Variants in ZNF735 observed in about 807,000 individuals in gnomAD.
ZNF735 encodes putative zinc finger protein 735.
Under a neutral mutation model 13.4 loss-of-function variants are expected in ZNF735, and 11 were observed. The observed-to-expected ratio is 0.82, with a 90% CI of 0.52 to 1.36. The LOEUF (loss-of-function observed/expected upper bound fraction) is 1.36. Ranked by LOEUF, ZNF735 falls within the 40% of genes most tolerant of loss-of-function variation. ZNF735 has a pLI of 0.00. For missense variants in ZNF735, 500 were observed against 484.6 expected, an observed-to-expected ratio of 1.03 and a Z score of -0.30; for synonymous variants, 171 against 162.6, an observed-to-expected ratio of 1.05 and a Z score of -0.39.
At position 64,213,938 on chromosome 7, in the gene ZNF735, G is replaced by A. The variant is rs10225520; in HGVS notation, c.167-75G>A. 5.2e-3 allele frequency: 7,047 copies of A among 1,343,912 alleles called. 279 individuals carry two copies. The African/African-American group carries it at 0.088, about 17-fold the overall frequency. The allele number at this position is 1,343,912 out of a possible 1,614,324, so 83.2% of individuals were successfully genotyped here. A position where few individuals can be genotyped will look rare whatever the true frequency, so the allele number is the denominator to read the frequency against. On this transcript the variant is annotated intron_variant, in intron 2 of 3. Coordinates refer to ENST00000429565, the Ensembl canonical transcript of ZNF735. ...CATGCCACTGCACTCCAGCCTGAGC[G>A]ACAGAGTGAGACTCCATCTCAAAAA... is the stretch of plus-strand genomic sequence containing the variant.
chr7:64,219,012 G>A (rs1036784326), intron 3 of ZNF735, among the ~76,000 whole-genome samples: 2 of 151,986 alleles, frequency 1.3e-5, no homozygotes, highest in Non-Finnish European at 2.9e-5. Context: ...AAGGCACCAT[G>A]TTCTTCTACT....
intron 3 of ZNF735, among the ~76,000 whole-genome samples, chr7:64,216,414 G>A (rs996361673): frequency 2.0e-5 from 3 of 152,074 alleles, no homozygotes; most frequent in African/African-American, 7.2e-5. Context: ...AAATTAAGTT[G>A]TCACTTAAAT....
intron 3 of ZNF735, among the ~76,000 whole-genome samples, chr7:64,218,810 G>A (rs1165413380): frequency 6.6e-6 from 1 of 152,032 alleles, no homozygotes; most frequent in African/African-American, 2.4e-5. Context: ...AGAGATTCTG[G>A]GAGTCTTGCA....
At chr7:64,217,215 T>A (rs62461221) in intron 3 of ZNF735, among the ~76,000 whole-genome samples, 2,190 of 152,304 alleles carry the variant, frequency 0.014, 21 homozygotes, top group Non-Finnish European at 0.023. Flanking sequence ...ACCTGGCTCC[T>A]CCACCTCACA....
At chr7:64,212,668 C>T (rs996859885) in intron 1 of ZNF735, among the ~76,000 whole-genome samples, 4 of 151,980 alleles carry the variant, frequency 2.6e-5, no homozygotes, top group African/African-American at 9.7e-5. Flanking sequence ...TGGCCCATGC[C>T]TGTATTCCCA....
At chr7:64,210,336 G>A (rs926514069) in intron 1 of ZNF735, among the ~76,000 whole-genome samples, 2 of 152,186 alleles carry the variant, frequency 1.3e-5, no homozygotes, top group African/African-American at 4.8e-5. Flanking sequence ...ATTTGTACCA[G>A]ATGTATTTGT....
intron 1 of ZNF735, among the ~76,000 whole-genome samples, chr7:64,211,783 T>C (rs1787362599): frequency 6.6e-6 from 1 of 151,580 alleles, no homozygotes; most frequent in Admixed American, 6.6e-5. Context: ...GGAGAATTGC[T>C]TGACCTCAGG....
chr7:64,212,133 G>C (rs1222732561), intron 1 of ZNF735, among the ~76,000 whole-genome samples: 1 of 152,086 alleles, frequency 6.6e-6, no homozygotes, highest in Admixed American at 6.6e-5. Flanking sequence ...ACTAGCCGAA[G>C]TGCATAAACG....
chr7:64,214,030 C>G, exon 3 of ZNF735: 3 of 1,598,802 alleles, frequency 1.9e-6, no homozygotes, highest in South Asian at 1.1e-5. Flanking sequence ...TGTCTCTAAG[C>G]CAGACTTGAT....
At chr7:64,219,249 G>T (rs941043892) in intron 3 of ZNF735, 65 bp from the exon 4 acceptor site, 3 of 1,546,568 alleles carry the variant, frequency 1.9e-6, no homozygotes, top group Non-Finnish European at 2.6e-6. Context: ...TTATATATTT[G>T]ATTTGTACAG....
intron 1 of ZNF735, among the ~76,000 whole-genome samples, chr7:64,211,948 G>T (rs1451326922): frequency 1.3e-5 from 2 of 151,206 alleles, no homozygotes; most frequent in Non-Finnish European, 2.9e-5. Flanking sequence ...TTTTCTGAGA[G>T]GAGAGAAATA....
chr7:64,215,455 T>C (rs1167549755), intron 3 of ZNF735, among the ~76,000 whole-genome samples: 1 of 152,222 alleles, frequency 6.6e-6, no homozygotes, highest in Non-Finnish European at 1.5e-5. Context: ...CATGTGATTT[T>C]CAAATATTGT....
intron 1 of ZNF735, among the ~76,000 whole-genome samples, chr7:64,210,574 A>G (rs973099548): frequency 6.6e-6 from 1 of 152,206 alleles, no homozygotes; most frequent in Non-Finnish European, 1.5e-5. Context: ...AGGAGAGTTT[A>G]GTTCAACCTT....
intron 1 of ZNF735, among the ~76,000 whole-genome samples, chr7:64,212,649 C>T (rs1480767275): frequency 6.6e-6 from 1 of 151,976 alleles, no homozygotes; most frequent in African/African-American, 2.4e-5. Context: ...AAAAATTAGC[C>T]AGGCGTGGTG....
chr7:64,207,738 C>G (rs931236752), intron 1 of ZNF735, among the ~76,000 whole-genome samples: 1 of 152,138 alleles, frequency 6.6e-6, no homozygotes, highest in African/African-American at 2.4e-5. Context: ...CCTGTAATCC[C>G]AGCACTTTGG....
intron 3 of ZNF735, among the ~76,000 whole-genome samples, chr7:64,215,521 A>G (rs1787409047): frequency 6.6e-6 from 1 of 152,154 alleles, no homozygotes; most frequent in Non-Finnish European, 1.5e-5. Context: ...TGATTGCAGA[A>G]ATTTTGAAGT....
At chr7:64,219,497 T>G in exon 4 of ZNF735, 1 of 1,611,948 alleles carries the variant, frequency 6.2e-7, no homozygotes, top group Non-Finnish European at 8.5e-7. Context: ...AACCAATGTT[T>G]GTCAAATACC....
intron 3 of ZNF735, among the ~76,000 whole-genome samples, chr7:64,215,021 C>A (rs1787403466): frequency 6.7e-6 from 1 of 149,378 alleles, no homozygotes; most frequent in African/African-American, 2.5e-5. Flanking sequence ...ATTTGTATAT[C>A]TTTTTATTAA....
chr7:64,213,644 A>C (rs1787386424), intron 2 of ZNF735, among the ~76,000 whole-genome samples: 1 of 152,146 alleles, frequency 6.6e-6, no homozygotes, highest in Non-Finnish European at 1.5e-5. Context: ...GCATAATACT[A>C]GTTTGGTAAT....
Sources: gnomAD v4.1 joint callset for allele counts (sites outside exome capture counted in the v4.1 genomes callset) on GRCh38, gnomAD v4.1.1 for gene constraint, MANE v1.5 for transcripts, NCBI Gene and HGNC (gene_info 2026-07-23, HGNC 2026-07-21) for gene names.